SNTG2: variants seen among roughly 807,000 people sequenced by gnomAD.
SNTG2 encodes the protein syntrophin gamma 2, also known as gamma-2-syntrophin.
Under a neutral mutation model 70.9 loss-of-function variants are expected in SNTG2, and 74 were observed. The observed-to-expected ratio is 1.04, with a 90% CI of 0.86 to 1.27. SNTG2 has a LOEUF of 1.27. Ranked by LOEUF, SNTG2 falls within the 50% of genes most tolerant of loss-of-function variation. The pLI is 0.00. For synonymous variants in SNTG2, 278 were observed against 273.8 expected, an observed-to-expected ratio of 1.02 and a Z score of -0.15; for missense variants, 717 against 690.7, an observed-to-expected ratio of 1.04 and a Z score of -0.43.
chr2:1,251,707 ACACACAACACAAATAGACACACACCCCC>A (rs1200417463), intron 12 of SNTG2, among the ~76,000 whole-genome samples: 1 of 144,554 alleles, frequency 6.9e-6, no homozygotes, highest in Non-Finnish European at 1.5e-5. Flanking sequence ...TGCACACCAC[ACACACAACACAAATAGACACACACCCCC>A]CACAGGCACA....
intron 16 of SNTG2, among the ~76,000 whole-genome samples, chr2:1,331,225 A>G (rs909441277): frequency 2.0e-5 from 3 of 152,222 alleles, no homozygotes; most frequent in Non-Finnish European, 4.4e-5. Flanking sequence ...AAAAGAACTC[A>G]CTGTCATTCA....
chr2:1,033,646 C>G lies in SNTG2; in HGVS notation c.73-49872C>G, dbSNP rs1374821193. 5.9e-5 allele frequency among the ~76,000 whole-genome samples: 9 copies of G among 152,290 alleles called. No homozygotes were observed. The South Asian group carries it at 1.0e-3, about 18-fold the overall frequency. On this transcript the variant is annotated intron_variant, in intron 1 of 16. Transcript: ENST00000308624. ...TTTGGAGTCCTGAAAAAGTTGTGGC[C>G]AACAATTTTTGCCAGTCTGCTGTCT...
intron 1 of SNTG2, among the ~76,000 whole-genome samples, chr2:1,046,673 G>T (rs1229653897): frequency 6.6e-6 from 1 of 152,128 alleles, no homozygotes; most frequent in Non-Finnish European, 1.5e-5. Flanking sequence ...TAACGATGTT[G>T]AATATAGGTC....
At chr2:1,025,838 G>A (rs1389376486) in intron 1 of SNTG2, among the ~76,000 whole-genome samples, 1 of 152,174 alleles carries the variant, frequency 6.6e-6, no homozygotes, top group Non-Finnish European at 1.5e-5. Context: ...GGATATTTTT[G>A]TGGGGGCCTT....
At chr2:1,120,676 G>C in intron 4 of SNTG2, among the ~76,000 whole-genome samples, 1 of 152,132 alleles carries the variant, frequency 6.6e-6, no homozygotes, top group East Asian at 1.9e-4. Context: ...TTTATCTAGT[G>C]AAAAGGGGAT....
chr2:1,020,496 A>C (rs1337876412), intron 1 of SNTG2, among the ~76,000 whole-genome samples: 1 of 152,232 alleles, frequency 6.6e-6, no homozygotes, highest in Non-Finnish European at 1.5e-5. Flanking sequence ...CAGCATCTGC[A>C]CTGTCCGAAT....
At chr2:1,207,696 C>T (rs1258105519) in intron 8 of SNTG2, among the ~76,000 whole-genome samples, 8 of 152,266 alleles carry the variant, frequency 5.3e-5, no homozygotes, top group African/African-American at 1.4e-4. Context: ...CACGTGGAAG[C>T]GAAGCCTCCA....
Position 1,354,930 on chromosome 2 carries a change from C to T in SNTG2, c.1489-12413C>T, listed in dbSNP as rs558666253. Among the ~76,000 whole-genome samples the T allele has an allele frequency of 9.8e-5, 15 of 152,300 alleles. No homozygotes were observed. In the South Asian group the frequency reaches 2.5e-3, roughly 25 times the overall value. ...CAGGCAACGGGGTCTAAGAGCCGGG[C>T]GGAAGTTCTCCCTGTGTCACACAAG... On this transcript the variant is annotated intron_variant, in intron 16 of 16. Coordinates refer to ENST00000308624, the MANE Select transcript of SNTG2 (RefSeq NM_018968.4).
At chr2:1,017,534 T>C (rs578216758) in intron 1 of SNTG2, among the ~76,000 whole-genome samples, 59 of 147,710 alleles carry the variant, frequency 4.0e-4, no homozygotes, top group African/African-American at 1.4e-3. Context: ...TATATGCATA[T>C]CCACACAGGC....
rs1572642261 is a variant in SNTG2 at position 1,173,271 on chromosome 2, G to A, written c.591+88G>A. Reference sequence around the variant, plus strand: ...CTCTAGACAGAATTAAAAAGATGCTGTACTGCCCAGTGAAGATAATTGTGT... The same window carrying A: ...CTCTAGACAGAATTAAAAAGATGCTATACTGCCCAGTGAAGATAATTGTGT... On this transcript the variant is annotated intron_variant, in intron 8 of 16. Transcript: ENST00000308624. 1.3e-5 allele frequency: 15 copies of A among 1,158,640 alleles called. 1 individual carries two copies. Among genetic ancestry groups the A allele is most frequent in the East Asian group, 1.2e-4 (5 of 42,676 alleles). The allele number at this position is 1,158,640 out of a possible 1,614,324, so 71.8% of individuals were successfully genotyped here.
chr2:956,257 G>T (rs532883492), intron 1 of SNTG2, among the ~76,000 whole-genome samples: 2 of 70,506 alleles, frequency 2.8e-5, no homozygotes, highest in Non-Finnish European at 5.3e-5. Flanking sequence ...CCGCCCCTGC[G>T]CCTCCCCCTG....
intron 1 of SNTG2, among the ~76,000 whole-genome samples, chr2:1,076,280 G>C (rs992531510): frequency 2.0e-5 from 3 of 152,120 alleles, no homozygotes; most frequent in African/African-American, 4.8e-5. Context: ...GGGCTAAATT[G>C]GAAGTCTGTT....
At chr2:1,174,274 A>G (rs1268368376) in intron 8 of SNTG2, among the ~76,000 whole-genome samples, 1 of 135,852 alleles carries the variant, frequency 7.4e-6, no homozygotes, top group Non-Finnish European at 1.5e-5. Flanking sequence ...TTCTTGATTG[A>G]AAAAAAGTTT....
chr2:1,012,953 T>G (rs543333412), intron 1 of SNTG2, among the ~76,000 whole-genome samples: 947 of 52,588 alleles, frequency 0.018, 6 homozygotes, highest in African/African-American at 0.052. Flanking sequence ...GTAGAGGGAT[T>G]TATAAGGGCA....
chr2:1,320,259 G>A (rs1393315558), intron 16 of SNTG2, among the ~76,000 whole-genome samples: 1 of 152,028 alleles, frequency 6.6e-6, no homozygotes, highest in African/African-American at 2.4e-5. Context: ...AATTGGCCGG[G>A]CATGGTGGCT....
intron 2 of SNTG2, among the ~76,000 whole-genome samples, chr2:1,090,036 G>T (rs1033824909): frequency 6.6e-6 from 1 of 152,048 alleles, no homozygotes; most frequent in Non-Finnish European, 1.5e-5. Flanking sequence ...TCCTTCATAC[G>T]CATTTTTCCA....
At chr2:1,135,067 C>T (rs1668289920) in intron 4 of SNTG2, among the ~76,000 whole-genome samples, 1 of 152,190 alleles carries the variant, frequency 6.6e-6, no homozygotes, top group Admixed American at 6.5e-5. Context: ...AGGCTGCTGA[C>T]CCATGGGCTC....
At position 1,367,444 on chromosome 2, in the gene SNTG2, T is replaced by C; in HGVS notation, c.1590T>C (p.Ser530=). ...SVDPGFMDSQ[S]LARKYMYSS ...ACCCCGGCTTCATGGACAGTCAGAGTCTTGCCAGAAAATACATGTACAGCA... is the reference window on the plus strand; with the variant it reads ...ACCCCGGCTTCATGGACAGTCAGAGCCTTGCCAGAAAATACATGTACAGCA... The change falls in exon 17 of 17, where the codon AGT becomes AGC. Residue 530 remains serine (S), a synonymous_variant. Coordinates refer to ENST00000308624, the MANE Select transcript of SNTG2 (RefSeq NM_018968.4). 1 of 1,551,450 alleles carries C rather than the reference T, an allele frequency of 6.4e-7. No homozygotes were observed. Among genetic ancestry groups the C allele is most frequent in the Non-Finnish European group, 8.7e-7 (1 of 1,146,964 alleles).
intron 4 of SNTG2, among the ~76,000 whole-genome samples, chr2:1,099,653 C>CCTCT (rs1558397900): frequency 3.9e-5 from 6 of 152,208 alleles, no homozygotes; most frequent in South Asian, 2.1e-4. Context: ...ATGGTCAGGT[C>CCTCT]ATCTGAAGGT....
Sources: gnomAD v4.1 joint callset for allele counts (sites outside exome capture counted in the v4.1 genomes callset) on GRCh38, gnomAD v4.1.1 for gene constraint, MANE v1.5 for transcripts, NCBI Gene and HGNC (gene_info 2026-07-23, HGNC 2026-07-21) for gene names.